The following PGM5 variants were observed in gnomAD, a reference collection of about 807,000 sequenced individuals.
PGM5 encodes the protein phosphoglucomutase-like protein 5.
In PGM5, 23 loss-of-function variants were observed where a neutral mutation model predicts 59.2. That is an observed-to-expected ratio of 0.39 (90% CI 0.28 to 0.55). PGM5 has a LOEUF of 0.55. Among genes scored for constraint, PGM5 ranks in the 20% least tolerant of loss-of-function variants. The pLI, the probability that PGM5 is intolerant of heterozygous loss-of-function variation, is 0.66. For missense variants in PGM5, 574 were observed against 748.3 expected (o/e 0.77, Z 2.72); for synonymous variants, 214 against 286.0 (o/e 0.75, Z 2.54).
chr9:68,417,722 G>A (rs1179250988), intron 6 of PGM5, among the ~76,000 whole-genome samples: 4 of 152,150 alleles, frequency 2.6e-5, no homozygotes, highest in South Asian at 2.1e-4. Flanking sequence ...AGCTATAGCC[G>A]CTGAGGCCTT....
At chr9:68,420,222 G>A (rs1229531498) in intron 6 of PGM5, among the ~76,000 whole-genome samples, 1 of 152,170 alleles carries the variant, frequency 6.6e-6, no homozygotes, top group Non-Finnish European at 1.5e-5. Flanking sequence ...GAGGCTTGGT[G>A]TGGCTCAAAG....
At chr9:68,381,172 G>A (rs1822063121) in intron 2 of PGM5, among the ~76,000 whole-genome samples, 4 of 151,754 alleles carry the variant, frequency 2.6e-5, no homozygotes, top group South Asian at 2.1e-4. Context: ...AAATATTGAC[G>A]AAAACCAAAT....
chr9:68,488,329 G>A (rs782713228), intron 9 of PGM5, among the ~76,000 whole-genome samples: 2 of 152,144 alleles, frequency 1.3e-5, no homozygotes, highest in Non-Finnish European at 2.9e-5. Flanking sequence ...TTGACCTGAG[G>A]TCAGAGTCAG....
At chr9:68,516,659 A>G (rs749090539) in intron 10 of PGM5, among the ~76,000 whole-genome samples, 2 of 152,108 alleles carry the variant, frequency 1.3e-5, no homozygotes, top group South Asian at 2.1e-4. Context: ...CAGTCCCTCA[A>G]CATGGGAGGG....
chr9:68,408,730 C>G (rs1822866433), intron 6 of PGM5, among the ~76,000 whole-genome samples: 1 of 152,134 alleles, frequency 6.6e-6, no homozygotes, highest in South Asian at 2.1e-4. Context: ...AGTCTTTAAT[C>G]CATCTTGAAT....
intron 3 of PGM5, among the ~76,000 whole-genome samples, chr9:68,387,061 G>T (rs1554678906): frequency 6.6e-6 from 1 of 151,770 alleles, no homozygotes. Flanking sequence ...GTCAGTCTTT[G>T]GCCAGCCCCC....
chr9:68,463,609 G>A (rs782565871), intron 6 of PGM5, among the ~76,000 whole-genome samples: 41 of 152,138 alleles, frequency 2.7e-4, no homozygotes, highest in Non-Finnish European at 5.0e-4. Context: ...TGACTTCTCT[G>A]AGCCTGAAAC....
chr9:68,376,309 A>T (rs1217917841), intron 1 of PGM5, among the ~76,000 whole-genome samples: 1 of 152,066 alleles, frequency 6.6e-6, no homozygotes, highest in Non-Finnish European at 1.5e-5. Context: ...GACATCCTTT[A>T]TTCTCTATTA....
At chr9:68,403,222 G>A (rs1354807115) in intron 6 of PGM5, among the ~76,000 whole-genome samples, 16 of 152,220 alleles carry the variant, frequency 1.1e-4, no homozygotes, top group African/African-American at 3.4e-4. Context: ...GAGGAGTCTA[G>A]GTTGCATGCT....
At chr9:68,411,061 CT>C (rs1374662331) in intron 6 of PGM5, among the ~76,000 whole-genome samples, 6 of 152,090 alleles carry the variant, frequency 3.9e-5, no homozygotes, top group Non-Finnish European at 5.9e-5. Flanking sequence ...GTTTATGTGT[CT>C]TTTTAAAGTC....
chr9:68,515,323 A>T (rs532374878), intron 10 of PGM5, among the ~76,000 whole-genome samples: 1 of 152,236 alleles, frequency 6.6e-6, no homozygotes, highest in South Asian at 2.1e-4. Context: ...CCATGTTTTT[A>T]GTGCCTGGTG....
intron 6 of PGM5, among the ~76,000 whole-genome samples, chr9:68,430,627 C>T (rs959451706): frequency 3.3e-5 from 5 of 152,336 alleles, no homozygotes; most frequent in African/African-American, 1.2e-4. Context: ...TCTCTGGATA[C>T]CGTTTCTGAT....
intron 6 of PGM5, among the ~76,000 whole-genome samples, chr9:68,445,874 T>A (rs546365003): frequency 6.6e-6 from 1 of 152,244 alleles, no homozygotes; most frequent in South Asian, 2.1e-4. Flanking sequence ...TTATTTGTGC[T>A]CTACCATGTA....
chr9:68,451,630 T>C (rs1554684337), intron 6 of PGM5, among the ~76,000 whole-genome samples: 1 of 152,160 alleles, frequency 6.6e-6, no homozygotes, highest in Admixed American at 6.5e-5. Flanking sequence ...AAAAATAAAA[T>C]ATGCCATTCA....
At chr9:68,454,535 C>T (rs1293817074) in intron 6 of PGM5, among the ~76,000 whole-genome samples, 1 of 152,166 alleles carries the variant, frequency 6.6e-6, no homozygotes, top group Non-Finnish European at 1.5e-5. Flanking sequence ...TTCATGAGGC[C>T]GATCACTCTT....
intron 2 of PGM5, among the ~76,000 whole-genome samples, chr9:68,380,383 A>G (rs1822037017): frequency 6.6e-6 from 1 of 152,002 alleles, no homozygotes; most frequent in Non-Finnish European, 1.5e-5. Context: ...GGAAATTAAA[A>G]AATACTTTGA....
At chr9:68,450,548 A>C (rs1823678969) in intron 6 of PGM5, among the ~76,000 whole-genome samples, 1 of 152,372 alleles carries the variant, frequency 6.6e-6, no homozygotes, top group African/African-American at 2.4e-5. Context: ...CTTTAAGGCC[A>C]CTATCTGGGA....
intron 6 of PGM5, among the ~76,000 whole-genome samples, chr9:68,459,879 AATTT>A (rs1359540865): frequency 2.0e-5 from 3 of 152,174 alleles, no homozygotes; most frequent in Admixed American, 6.5e-5. Flanking sequence ...AAAAAAAACT[AATTT>A]ATAAGAGTTT....
chr9:68,451,762 G>C (rs1168696898), intron 6 of PGM5, among the ~76,000 whole-genome samples: 7 of 152,204 alleles, frequency 4.6e-5, no homozygotes, highest in Non-Finnish European at 8.8e-5. Context: ...TAGGGAACTT[G>C]AGGACAGTAG....
Sources: allele counts gnomAD v4.1 joint callset (sites outside exome capture counted in the v4.1 genomes callset), GRCh38; gene constraint gnomAD v4.1.1; transcripts MANE v1.5; gene names NCBI Gene and HGNC (gene_info 2026-07-23, HGNC 2026-07-21).